TPTE: variants seen among roughly 807,000 people sequenced by gnomAD.
The protein encoded by TPTE is putative tyrosine-protein phosphatase TPTE.
In TPTE, 59 loss-of-function variants were observed where a neutral mutation model predicts 84.1. That is an observed-to-expected ratio of 0.70 (90% CI 0.57 to 0.87). The LOEUF (loss-of-function observed/expected upper bound fraction) is 0.87, where lower values mean the gene tolerates loss of function less well. Among genes scored for constraint, TPTE ranks in the 40% least tolerant of loss-of-function variants. The pLI, the probability that TPTE is intolerant of heterozygous loss-of-function variation, is 0.00. For missense variants in TPTE, 382 were observed against 659.6 expected (o/e 0.58, Z 4.61); for synonymous variants, 130 against 223.5 (o/e 0.58, Z 3.73).
chr21:10,566,301 A>G (rs1315354202), intron 10 of TPTE, among the ~76,000 whole-genome samples: 2 of 152,310 alleles, frequency 1.3e-5, no homozygotes, highest in South Asian at 4.1e-4. Flanking sequence ...GAAAACTACC[A>G]TGAGATATCA....
intron 10 of TPTE, among the ~76,000 whole-genome samples, chr21:10,564,450 C>T (rs1350531784): frequency 1.3e-5 from 2 of 152,308 alleles, no homozygotes; most frequent in African/African-American, 4.8e-5. Context: ...GCAGAGGTTG[C>T]AGTGAGCTGA....
At chr21:10,604,185 T>TG (rs1177263443) in intron 23 of TPTE, among the ~76,000 whole-genome samples, 27 of 152,268 alleles carry the variant, frequency 1.8e-4, no homozygotes, top group South Asian at 4.1e-4. Flanking sequence ...ATAACTGAAT[T>TG]GGGAAACCTT....
chr21:10,575,958 CAAAG>C (rs370831851), intron 14 of TPTE, among the ~76,000 whole-genome samples: 87 of 152,234 alleles, frequency 5.7e-4, no homozygotes, highest in African/African-American at 2.0e-3. Flanking sequence ...GTTGCAGAGA[CAAAG>C]AAATGCTGTT....
chr21:10,545,667 A>G (rs1294510790), intron 7 of TPTE, among the ~76,000 whole-genome samples: 2 of 151,270 alleles, frequency 1.3e-5, no homozygotes, highest in Non-Finnish European at 2.9e-5. Context: ...ACACACATGT[A>G]TATGTGTGTG....
intron 19 of TPTE, among the ~76,000 whole-genome samples, chr21:10,592,808 G>A (rs1015432719): frequency 3.9e-4 from 58 of 149,362 alleles, no homozygotes; most frequent in Non-Finnish European, 1.8e-4. Flanking sequence ...GACTCCTGGT[G>A]TGTGTGTGTG....
chr21:10,531,761 C>T (rs1394892111), intron 3 of TPTE, among the ~76,000 whole-genome samples: 1 of 152,304 alleles, frequency 6.6e-6, no homozygotes, highest in East Asian at 1.9e-4. Flanking sequence ...TTCCCACTTT[C>T]AGTCTACAAA....
chr21:10,559,331 C>A (rs2074746675), intron 8 of TPTE, among the ~76,000 whole-genome samples, 163 bp from the exon 9 acceptor site: 1 of 152,310 alleles, frequency 6.6e-6, no homozygotes, highest in Non-Finnish European at 1.5e-5. Flanking sequence ...ACTCATGGAG[C>A]AGGAAGAATA....
chr21:10,523,940 C>T (rs1486435718), intron 1 of TPTE, among the ~76,000 whole-genome samples: 1 of 152,308 alleles, frequency 6.6e-6, no homozygotes, highest in African/African-American at 2.4e-5. Context: ...CCTATTTCTC[C>T]ACATCCTCTC....
chr21:10,555,338 C>G (rs1175456738), intron 8 of TPTE, among the ~76,000 whole-genome samples: 6 of 152,304 alleles, frequency 3.9e-5, no homozygotes, highest in Non-Finnish European at 7.3e-5. Flanking sequence ...TCCTGAGTAG[C>G]TGGGACTACA....
intron 5 of TPTE, among the ~76,000 whole-genome samples, chr21:10,541,552 T>A (rs2145617294): frequency 6.6e-6 from 1 of 152,422 alleles, no homozygotes; most frequent in Non-Finnish European, 1.5e-5. Flanking sequence ...TGGGATTAAC[T>A]CTCAGATGTG....
intron 6 of TPTE, 123 bp downstream of exon 6, chr21:10,542,571 CCATCCATCCATCCATCCATT>C (rs1568960507): frequency 6.1e-6 from 7 of 1,141,072 alleles, no homozygotes; most frequent in South Asian, 1.4e-5. Flanking sequence ...ATTCATCCAT[CCATCCATCCATCCATCCATT>C]CATCCATCCA....
rs1978596890 is a variant in TPTE, at chr21:10,602,057, G to A, written c.1357-1G>A. ...TCTCAATTCCATGTGTTCATTCATA[G>A]GTACTTGATAACATTACAACAGACA... On this transcript the variant is annotated splice_acceptor_variant, in intron 21 of 23. Transcript: ENST00000618007. LOFTEE classifies it high-confidence loss of function. 6.2e-7 allele frequency: 1 copy of A among 1,611,644 alleles called. No homozygotes were observed. Among genetic ancestry groups the A allele is most frequent in the South Asian group, 1.1e-5 (1 of 91,040 alleles).
chr21:10,593,629 G>C (rs535307265), intron 19 of TPTE, among the ~76,000 whole-genome samples: 126 of 152,056 alleles, frequency 8.3e-4, no homozygotes, highest in African/African-American at 2.9e-3. Flanking sequence ...TCTGTGAGTA[G>C]GCACTACTAT....
chr21:10,537,337 A>C (rs895127006), intron 3 of TPTE, among the ~76,000 whole-genome samples: 1 of 152,312 alleles, frequency 6.6e-6, no homozygotes, highest in African/African-American at 2.4e-5. Flanking sequence ...CCAAGTCTAA[A>C]TTCAAATCAG....
At chr21:10,560,319 G>A (rs1367581578) in intron 9 of TPTE, among the ~76,000 whole-genome samples, 22 of 152,286 alleles carry the variant, frequency 1.4e-4, no homozygotes, top group Admixed American at 1.2e-3. Context: ...AGATTTATAC[G>A]ATATAATTGT....
intron 10 of TPTE, among the ~76,000 whole-genome samples, chr21:10,562,738 A>T (rs1348107403): frequency 5.3e-5 from 8 of 152,304 alleles, no homozygotes; most frequent in Non-Finnish European, 1.2e-4. Context: ...GGAAAGAATA[A>T]AAAACAACGA....
chr21:10,587,592 C>T (rs1437297663), intron 17 of TPTE, among the ~76,000 whole-genome samples: 2 of 152,290 alleles, frequency 1.3e-5, no homozygotes, highest in Non-Finnish European at 2.9e-5. Context: ...TCTTGTTGCC[C>T]ATGCTGGAGT....
intron 3 of TPTE, among the ~76,000 whole-genome samples, chr21:10,535,555 C>T (rs1426751457): frequency 1.3e-5 from 2 of 152,300 alleles, no homozygotes; most frequent in African/African-American, 2.4e-5. Flanking sequence ...ATGCTTCTTC[C>T]TCTTAGTATA....
rs539717715 is a variant in TPTE, at chr21:10,590,599, T to A, written c.1089+76T>A. 5.0e-6 allele frequency: 8 copies of A among 1,599,672 alleles called. No individual in the cohort carries two copies. The Admixed American group carries it at 6.8e-5, about 14-fold the overall frequency. ...TTCTGAAACATCACTGGCAGGACAT[T>A]AAGATGATTATTTTAGTCATGGTGC... On this transcript the variant is annotated intron_variant, in intron 18 of 23. Coordinates refer to ENST00000618007, the MANE Select transcript of TPTE (RefSeq NM_199261.4).
Sources: allele counts gnomAD v4.1 joint callset (sites outside exome capture counted in the v4.1 genomes callset), GRCh38; gene constraint gnomAD v4.1.1; transcripts MANE v1.5; gene names NCBI Gene and HGNC (gene_info 2026-07-23, HGNC 2026-07-21).